The following WWP1 variants were observed in gnomAD, a reference collection of about 807,000 sequenced individuals.
WWP1 encodes the protein WW domain containing E3 ubiquitin protein ligase 1.
Under a neutral mutation model 130.6 loss-of-function variants are expected in WWP1, and 49 were observed. The ratio of observed to expected loss-of-function variants is 0.38; its 90% CI spans 0.30 to 0.48. The LOEUF is 0.48. Ranked by LOEUF, WWP1 falls within the 20% of genes least tolerant of loss-of-function variation. The pLI, the probability that WWP1 is intolerant of heterozygous loss-of-function variation, is 0.99. For missense variants in WWP1, 809 were observed against 1,100.6 expected (o/e 0.74, Z 3.75); for synonymous variants, 332 against 367.8 (o/e 0.90, Z 1.11).
chr8:86,381,029 G>A (rs1399058927), intron 4 of WWP1, among the ~76,000 whole-genome samples, 165 bp downstream of exon 4: 2 of 151,964 alleles, frequency 1.3e-5, no homozygotes, highest in Admixed American at 1.3e-4. Flanking sequence ...TTTTTTTAAG[G>A]GGAGGATGCA....
chr8:86,381,400 G>T, intron 4 of WWP1, 105 bp from the exon 5 acceptor site: 1 of 1,359,468 alleles, frequency 7.4e-7, no homozygotes, highest in Non-Finnish European at 9.9e-7. Flanking sequence ...GAAATTCACG[G>T]TTTTTAAAAC....
In WWP1 at chr8:86,468,408, CTG is replaced by C. The variant is rs1812284207; in HGVS notation, c.*1516_*1517del. On this transcript the variant is annotated 3_prime_UTR_variant, in exon 25 of 25. Coordinates refer to ENST00000517970, the MANE Select transcript of WWP1 (RefSeq NM_007013.4). ...TTTCCAAATCCTTATTATGAACACTCTGGTAATTTTCAAGCCTAAAGAATTAA... is the reference window on the plus strand; with the variant it reads ...TTTCCAAATCCTTATTATGAACACTCGTAATTTTCAAGCCTAAAGAATTAA... 2.2e-6 allele frequency: 1 copy of C among 449,128 alleles called. No homozygotes were observed. The highest frequency in any genetic ancestry group is 2.0e-5 in the African/African-American group (1 of 49,514). The allele number at this position is 449,128 out of a possible 1,614,324, so 27.8% of individuals were successfully genotyped here.
intron 8 of WWP1, among the ~76,000 whole-genome samples, chr8:86,406,469 T>A (rs145462512): frequency 1.8e-3 from 271 of 152,336 alleles, no homozygotes; most frequent in African/African-American, 6.1e-3. Context: ...TATTTTTTTC[T>A]TAGCTCTTTA....
chr8:86,460,036 A>G (rs532465571), intron 22 of WWP1, among the ~76,000 whole-genome samples: 1 of 152,338 alleles, frequency 6.6e-6, no homozygotes, highest in South Asian at 2.1e-4. Context: ...TTTAAGATAC[A>G]TTTCCACTCT....
intron 4 of WWP1, 118 bp downstream of exon 4, chr8:86,380,982 G>C: frequency 8.1e-7 from 1 of 1,242,000 alleles, no homozygotes; most frequent in Non-Finnish European, 1.0e-6. Flanking sequence ...AGTGTGGATC[G>C]ACAATTTAAA....
Position 86,448,202 on chromosome 8 carries a change from C to T in WWP1, c.2053C>T (p.Arg685Cys), listed in dbSNP as rs146280768. 4.0e-5 allele frequency: 63 copies of T among 1,580,682 alleles called. No individual in the cohort carries two copies. Among genetic ancestry groups the T allele is most frequent in the African/African-American group, 5.5e-5 (4 of 72,580 alleles). The change falls in exon 19 of 25, where the codon CGT becomes TGT. Residue 685 changes from arginine (R) to cysteine (C), a missense_variant. Arg to Cys is a radical substitution (Grantham distance 180, BLOSUM62 -3). Around this residue, in one of 3 missense-constraint regions of WWP1, gnomAD observed 450 missense variants for 674.2 expected, o/e 0.67. Transcript: ENST00000517970. ...DTGFSLPFYK[R>C]MLSKKLTIKD... ...TGGTTTCTCTTTACCATTCTACAAG[C>T]GTATGTTAAGTAAAAAACTTACTAT... is the stretch of plus-strand genomic sequence containing the variant.
chr8:86,440,758 C>CT (rs1174689348), intron 17 of WWP1: 1 of 423,300 alleles, frequency 2.4e-6, no homozygotes, highest in Non-Finnish European at 4.6e-6. Context: ...CTTTGTCAGT[C>CT]TTACATGTCT....
chr8:86,396,799 T>A (rs1198670312), intron 5 of WWP1, among the ~76,000 whole-genome samples: 1 of 152,036 alleles, frequency 6.6e-6, no homozygotes, highest in Non-Finnish European at 1.5e-5. Context: ...AGCGTCTTGC[T>A]ATGTTGGCCA....
intron 10 of WWP1, among the ~76,000 whole-genome samples, chr8:86,426,136 C>T (rs72688595): frequency 0.054 from 8,260 of 152,200 alleles, 316 homozygotes; most frequent in Non-Finnish European, 0.086. Flanking sequence ...TAAATGAGAA[C>T]GTATTGGAAA....
chr8:86,389,835 GC>G (rs1378703274), intron 5 of WWP1, among the ~76,000 whole-genome samples: 2 of 150,346 alleles, frequency 1.3e-5, no homozygotes, highest in Admixed American at 6.6e-5. Flanking sequence ...GGTGGGGGCT[GC>G]CCCCCACCTC....
At position 86,461,326 on chromosome 8, in the gene WWP1, T is replaced by C. The variant is rs978125303; in HGVS notation, c.2596+6T>C. ...AGGATTTGCTGAGCTCATGGGTAAA[T>C]GTAATTTCACTGTAATTTCTCTGTA... On this transcript the variant is annotated splice_donor_region_variant and intron_variant, in intron 23 of 24. Coordinates refer to ENST00000517970, the MANE Select transcript of WWP1 (RefSeq NM_007013.4). 31 of 1,611,184 alleles carry C rather than the reference T, an allele frequency of 1.9e-5. No homozygotes were observed. Among genetic ancestry groups the C allele is most frequent in the Non-Finnish European group, 2.5e-5 (30 of 1,177,498 alleles).
At position 86,380,713 on chromosome 8, in the gene WWP1, A is replaced by G. The variant is rs199755621; in HGVS notation, c.71-13A>G. 414 of 1,603,522 alleles carry G rather than the reference A, an allele frequency of 2.6e-4. 3 individuals carry two copies. The South Asian group carries it at 4.3e-3, about 17-fold the overall frequency. On this transcript the variant is annotated splice_polypyrimidine_tract_variant and intron_variant, in intron 3 of 24. Transcript: ENST00000517970. ...GGCAACACATACTCACTAGTGAATT[A>G]TTTGTCTGTTAGTTTCTAGTGCCAA...
intron 17 of WWP1, among the ~76,000 whole-genome samples, chr8:86,439,832 A>G (rs963371368): frequency 2.6e-5 from 4 of 152,208 alleles, no homozygotes; most frequent in Non-Finnish European, 5.9e-5. Flanking sequence ...AAAGAATTCA[A>G]ACTTGCTTTT....
intron 17 of WWP1, among the ~76,000 whole-genome samples, chr8:86,441,100 C>T (rs1455031782): frequency 6.6e-6 from 1 of 152,184 alleles, no homozygotes; most frequent in Non-Finnish European, 1.5e-5. Flanking sequence ...AGAGTAGATG[C>T]CATGTTTTAG....
intron 23 of WWP1, 40 bp from the exon 24 acceptor site, chr8:86,461,734 T>C (rs1385657629): frequency 6.4e-7 from 1 of 1,554,708 alleles, no homozygotes; most frequent in Non-Finnish European, 8.9e-7. Flanking sequence ...GAAAAAAGTT[T>C]AAAGGACCAG....
intron 8 of WWP1, among the ~76,000 whole-genome samples, chr8:86,409,204 T>C (rs1283386071): frequency 1.3e-5 from 2 of 150,866 alleles, no homozygotes; most frequent in Non-Finnish European, 3.0e-5. Context: ...CTGATTTTAA[T>C]TTATTCTTTT....
At chr8:86,383,578 CCAAAAATA>C (rs1825109647) in intron 5 of WWP1, among the ~76,000 whole-genome samples, 2 of 151,920 alleles carry the variant, frequency 1.3e-5, no homozygotes, top group South Asian at 4.1e-4. Context: ...CCTGTGTCTA[CCAAAAATA>C]CAAAAATTAG....
Position 86,468,353 on chromosome 8 carries a change from G to A in WWP1, c.*1460G>A, listed in dbSNP as rs976587794. ...AATTCATAGTAAAGACGAAAGAAAGGCAGAGATCTGCTTGGTTGAATAGAC... is the reference window on the plus strand; with the variant it reads ...AATTCATAGTAAAGACGAAAGAAAGACAGAGATCTGCTTGGTTGAATAGAC... On this transcript the variant is annotated 3_prime_UTR_variant, in exon 25 of 25. Coordinates refer to ENST00000517970, the MANE Select transcript of WWP1 (RefSeq NM_007013.4). The A allele has an allele frequency of 6.7e-6, 3 of 450,968 alleles. No individual in the cohort carries two copies. The highest frequency in any genetic ancestry group is 2.0e-5 in the African/African-American group (1 of 49,746). 27.9% of individuals were successfully genotyped at this position (450,968 alleles called of 1,614,324 possible). A position where few individuals can be genotyped will look rare whatever the true frequency, so the allele number is the denominator to read the frequency against.
intron 1 of WWP1, 28 bp downstream of exon 1, chr8:86,342,958 G>T (rs1327936713): frequency 6.3e-6 from 2 of 316,584 alleles, no homozygotes; most frequent in Non-Finnish European, 5.8e-6. Flanking sequence ...CGGGGCTGGG[G>T]GTGCGAATGG....
Sources: allele counts gnomAD v4.1 joint callset (sites outside exome capture counted in the v4.1 genomes callset), GRCh38; gene constraint gnomAD v4.1.1; regional missense constraint gnomAD v4.1.1; transcripts MANE v1.5; gene names NCBI Gene and HGNC (gene_info 2026-07-23, HGNC 2026-07-21).